Variants in IQCM observed in about 807,000 individuals in gnomAD.
The protein encoded by IQCM is IQ motif containing M.
Under a neutral mutation model 57.6 loss-of-function variants are expected in IQCM, and 45 were observed. The ratio of observed to expected loss-of-function variants is 0.78; its 90% confidence interval spans 0.62 to 1.00. The LOEUF (loss-of-function observed/expected upper bound fraction) is 1.00. Among genes scored for constraint, IQCM ranks in the 50% least tolerant of loss-of-function variants. IQCM has a pLI of 0.00. For synonymous variants in IQCM, 148 were observed against 158.9 expected, an observed-to-expected ratio of 0.93 and a Z score of 0.51; for missense variants, 468 against 511.6, an observed-to-expected ratio of 0.91 and a Z score of 0.82.
chr4:149,401,837 G>A (rs551198367), intron 13 of IQCM, among the ~76,000 whole-genome samples: 1 of 151,840 alleles, frequency 6.6e-6, no homozygotes, highest in East Asian at 1.9e-4. Context: ...TGAAAACTTA[G>A]CACAATTTGA....
intron 2 of IQCM, among the ~76,000 whole-genome samples, chr4:149,784,142 T>C (rs1369958655): frequency 6.6e-6 from 1 of 152,214 alleles, no homozygotes; most frequent in East Asian, 1.9e-4. Flanking sequence ...AACTAATATT[T>C]CCTCCAATGG....
chr4:149,636,093 G>C (rs374773840), intron 7 of IQCM, among the ~76,000 whole-genome samples: 2 of 152,102 alleles, frequency 1.3e-5, no homozygotes, highest in African/African-American at 4.8e-5. Context: ...CAATGAGAAC[G>C]AACCAGACAG....
intron 12 of IQCM, among the ~76,000 whole-genome samples, chr4:149,527,988 G>T (rs1385331270): frequency 1.5e-5 from 2 of 136,670 alleles, no homozygotes; most frequent in Non-Finnish European, 3.2e-5. Flanking sequence ...CTTGTTTTTT[G>T]TTTTTTTTTT....
chr4:149,697,997 A>T (rs560641349), intron 5 of IQCM, among the ~76,000 whole-genome samples: 2 of 152,234 alleles, frequency 1.3e-5, no homozygotes, highest in East Asian at 3.9e-4. Context: ...GAAATAATTT[A>T]TTAGTGTGTT....
intron 12 of IQCM, among the ~76,000 whole-genome samples, chr4:149,450,558 T>C (rs1480635913): frequency 2.0e-5 from 3 of 151,792 alleles, no homozygotes; most frequent in South Asian, 4.1e-4. Context: ...AAGATTTGAA[T>C]AGATATTTCT....
At position 149,770,611 on chromosome 4, in the gene IQCM, G is replaced by T. The variant is rs116368182; in HGVS notation, c.-48-27872C>A. Among the ~76,000 whole-genome samples the T allele has an allele frequency of 4.6e-3, 704 of 152,090 alleles. 6 individuals carry two copies. The highest frequency in any genetic ancestry group is 0.016 in the African/African-American group (673 of 41,544). ...CAAAGTTCATCCCATAATGCAAATT[G>T]TCTTAACAATAAAATATAATGAATG... On this transcript the variant is annotated intron_variant, in intron 2 of 13. Transcript: ENST00000636793.
intron 13 of IQCM, among the ~76,000 whole-genome samples, chr4:149,396,142 C>T (rs1003933499): frequency 2.0e-5 from 3 of 151,468 alleles, no homozygotes; most frequent in Admixed American, 6.6e-5. Flanking sequence ...TATAGAAAAT[C>T]GAAAAATACT....
chr4:149,580,717 C>G (rs879623295), intron 9 of IQCM, among the ~76,000 whole-genome samples: 1 of 151,516 alleles, frequency 6.6e-6, no homozygotes, highest in African/African-American at 2.4e-5. Context: ...AAAACTAACA[C>G]GTAATTATTT....
chr4:149,651,236 G>C (rs1407115657), intron 7 of IQCM, among the ~76,000 whole-genome samples: 1 of 152,148 alleles, frequency 6.6e-6, no homozygotes, highest in Non-Finnish European at 1.5e-5. Flanking sequence ...GGGAGATAAA[G>C]TGCTTATTCT....
chr4:149,692,498 GA>G (rs964866177), intron 5 of IQCM, among the ~76,000 whole-genome samples: 9 of 151,768 alleles, frequency 5.9e-5, no homozygotes, highest in East Asian at 1.9e-4. Flanking sequence ...CTATTTTAGA[GA>G]AAAAAAACTG....
chr4:149,772,814 C>T (rs1436611708), intron 2 of IQCM, among the ~76,000 whole-genome samples: 1 of 152,124 alleles, frequency 6.6e-6, no homozygotes, highest in Non-Finnish European at 1.5e-5. Flanking sequence ...CTAGATATCA[C>T]TTTGAGTCTA....
At chr4:149,656,202 T>C (rs900584926) in intron 7 of IQCM, among the ~76,000 whole-genome samples, 2 of 152,132 alleles carry the variant, frequency 1.3e-5, no homozygotes, top group Non-Finnish European at 2.9e-5. Flanking sequence ...TATGCTATCA[T>C]TATATTAAAA....
intron 13 of IQCM, among the ~76,000 whole-genome samples, chr4:149,366,162 G>A (rs1000079009): frequency 6.6e-6 from 1 of 151,970 alleles, no homozygotes; most frequent in Admixed American, 6.6e-5. Flanking sequence ...GCTATCACCA[G>A]TAACCCAAAC....
intron 10 of IQCM, among the ~76,000 whole-genome samples, chr4:149,560,119 G>T (rs1478383553): frequency 7.2e-5 from 11 of 152,170 alleles, no homozygotes; most frequent in Admixed American, 2.0e-4. Context: ...AAGATGACCT[G>T]TCCTATAGGC....
At chr4:149,366,191 A>G (rs1481007334) in intron 13 of IQCM, among the ~76,000 whole-genome samples, 1 of 152,088 alleles carries the variant, frequency 6.6e-6, no homozygotes, top group East Asian at 1.9e-4. Context: ...AAAATAACAG[A>G]AATACAAAAG....
chr4:149,788,500 G>A (rs1281637450), intron 2 of IQCM, among the ~76,000 whole-genome samples: 2 of 152,180 alleles, frequency 1.3e-5, no homozygotes, highest in African/African-American at 2.4e-5. Context: ...AATAACAGAT[G>A]CTGGTGAGGG....
At chr4:149,381,154 G>A (rs564771821) in intron 13 of IQCM, among the ~76,000 whole-genome samples, 1 of 152,040 alleles carries the variant, frequency 6.6e-6, no homozygotes, top group East Asian at 1.9e-4. Context: ...CCCATAGCAC[G>A]TCCTGCTGAC....
rs541248309 is a variant in IQCM, at chr4:149,361,377, C to A, written c.1391-9311G>T. ...TGAGTAGCAAGGAACCTAATGTTAA[C>A]CCCCAAGACCATTGGGAAAATATCT... On this transcript the variant is annotated intron_variant, in intron 13 of 13. Coordinates refer to ENST00000636793, the MANE Select transcript of IQCM (RefSeq NM_001363507.2). 2.6e-5 allele frequency among the ~76,000 whole-genome samples: 4 copies of A among 152,294 alleles called. No homozygotes were observed. In the East Asian group the frequency reaches 7.7e-4, roughly 29 times the overall value.
At chr4:149,790,124 C>A in intron 2 of IQCM, 1 of 670,506 alleles carries the variant, frequency 1.5e-6, no homozygotes, top group Non-Finnish European at 2.4e-6. Flanking sequence ...CTTATTTACT[C>A]TATGGCAGGT....
Sources: gnomAD v4.1 joint callset for allele counts (sites outside exome capture counted in the v4.1 genomes callset) on GRCh38, gnomAD v4.1.1 for gene constraint, MANE v1.5 for transcripts, NCBI Gene and HGNC (gene_info 2026-07-23, HGNC 2026-07-21) for gene names.